Variants in MTMR9 observed in about 807,000 individuals in gnomAD.
The protein encoded by MTMR9 is myotubularin related protein 9, also known as myotubularin-related protein 9.
In MTMR9, 39 loss-of-function variants were observed where a neutral mutation model predicts 69.5. The observed-to-expected ratio is 0.56, with a 90% CI of 0.43 to 0.73. MTMR9 has a LOEUF of 0.73. Ranked by LOEUF, MTMR9 falls within the 30% of genes least tolerant of loss-of-function variation. The pLI is 0.00. For missense variants in MTMR9, 900 were observed against 671.2 expected (o/e 1.34, Z -3.77); for synonymous variants, 354 against 240.8 (o/e 1.47, Z -4.35).
At chr8:11,296,139 T>C (rs962358253) in intron 2 of MTMR9, among the ~76,000 whole-genome samples, 1 of 152,202 alleles carries the variant, frequency 6.6e-6, no homozygotes, top group African/African-American at 2.4e-5. Context: ...TAGTACATTA[T>C]TGAACGATAG....
chr8:11,319,427 A>T (rs887825560), intron 8 of MTMR9: 1 of 449,550 alleles, frequency 2.2e-6, no homozygotes, highest in Non-Finnish European at 4.0e-6. Flanking sequence ...ACCAAACCTG[A>T]TGTGACCAGA....
chr8:11,337,485 G>A, the MTMR9 span, among the ~76,000 whole-genome samples: 4 of 152,254 alleles, frequency 2.6e-5, no homozygotes, highest in African/African-American at 4.8e-5. Context: ...CCTTGCATTT[G>A]TCTTCCTCAG....
intron 3 of MTMR9, among the ~76,000 whole-genome samples, chr8:11,302,028 A>G (rs1484630554): frequency 6.6e-6 from 1 of 152,090 alleles, no homozygotes; most frequent in Non-Finnish European, 1.5e-5. Context: ...AGGCTGAGGC[A>G]GGCAGGTCAC....
chr8:11,316,572 T>TA, intron 7 of MTMR9, 101 bp from the exon 8 acceptor site: 2 of 650,812 alleles, frequency 3.1e-6, no homozygotes, highest in Non-Finnish European at 5.1e-6. Context: ...ATGTTCCAGG[T>TA]ACTAGGAGTG....
chr8:11,330,231 G>C (rs1434148773), downstream of MTMR9, among the ~76,000 whole-genome samples: 2 of 150,548 alleles, frequency 1.3e-5, no homozygotes, highest in South Asian at 4.2e-4. Context: ...CAGCCGCCCC[G>C]TCCGGGAGGG....
the MTMR9 span, among the ~76,000 whole-genome samples, chr8:11,335,265 ATCTG>A: frequency 6.6e-6 from 1 of 152,216 alleles, no homozygotes; most frequent in Admixed American, 6.5e-5. Flanking sequence ...TTGCTTTCCT[ATCTG>A]TCAGCAATGA....
At chr8:11,309,862 A>C (rs1800123438) in intron 6 of MTMR9, among the ~76,000 whole-genome samples, 174 bp downstream of exon 6, 1 of 152,158 alleles carries the variant, frequency 6.6e-6, no homozygotes, top group Non-Finnish European at 1.5e-5. Flanking sequence ...CATTTAATAG[A>C]TAATGTTTGT....
chr8:11,297,080 T>G (rs182809210), intron 2 of MTMR9, among the ~76,000 whole-genome samples: 439 of 152,322 alleles, frequency 2.9e-3, no homozygotes, highest in African/African-American at 0.01. Context: ...TTTATAGTAC[T>G]TTCTAGACTA....
At chr8:11,303,964 A>G (rs1383383386) in intron 3 of MTMR9, among the ~76,000 whole-genome samples, 2 of 152,242 alleles carry the variant, frequency 1.3e-5, no homozygotes, top group African/African-American at 2.4e-5. Flanking sequence ...TACGTCTAAC[A>G]TACTTTTTAG....
downstream of MTMR9, chr8:11,328,188 G>T (rs1801034635): frequency 6.6e-6 from 1 of 151,876 alleles, no homozygotes; most frequent in Admixed American, 6.6e-5. Context: ...TATTGGTGAA[G>T]GTTTGGATGG....
chr8:11,285,004 C>T lies in MTMR9; in HGVS notation c.116C>T (p.Ser39Phe), dbSNP rs1799092169. The T allele has an allele frequency of 6.2e-7, 1 of 1,613,674 alleles. No homozygotes were observed. The highest frequency in any genetic ancestry group is 8.5e-7 in the Non-Finnish European group (1 of 1,179,862). The stretch of plus-strand genomic sequence containing the variant: ...CTGACGGGCCACCACTTGATCCTGT[C>T]CTCCCGGCAGGACAATACGGAGGAG... ...LCLTGHHLIL[S>F]SRQDNTEELW... Residue 39 changes from serine (S) to phenylalanine (F), a missense_variant, in exon 1 of 10, where the codon TCC becomes TTC. Ser to Phe is a radical substitution (Grantham distance 155, BLOSUM62 -2). Transcript: ENST00000221086.
chr8:11,285,284 G>C, intron 1 of MTMR9: 2 of 519,948 alleles, frequency 3.8e-6, no homozygotes, highest in Non-Finnish European at 6.8e-6. Flanking sequence ...CAGGGTTATC[G>C]TGTGGCTGGT....
chr8:11,325,173 C>T lies in MTMR9; in HGVS notation c.*2385C>T, dbSNP rs1800874326. 1 of 152,172 alleles carries T rather than the reference C, an allele frequency of 6.6e-6. No individual in the cohort carries two copies. Among genetic ancestry groups the T allele is most frequent in the Non-Finnish European group, 1.5e-5 (1 of 68,032 alleles). 9.4% of individuals were successfully genotyped at this position (152,172 alleles called of 1,614,324 possible). On this transcript the variant is annotated 3_prime_UTR_variant, in exon 10 of 10. Transcript: ENST00000221086. Reference sequence around the variant, plus strand: ...TCTGTTTACAGGTTGTAAAAATAAACTTCGGTATCAGTGCATCTACAGAAG... The same window carrying T: ...TCTGTTTACAGGTTGTAAAAATAAATTTCGGTATCAGTGCATCTACAGAAG...
At chr8:11,318,238 T>C (rs905805244) in intron 8 of MTMR9, 6 of 152,296 alleles carry the variant, frequency 3.9e-5, no homozygotes, top group African/African-American at 1.4e-4. Flanking sequence ...TGGGAAGGAT[T>C]CTGAAGTGGT....
At chr8:11,286,865 T>C (rs1478865711) in intron 1 of MTMR9, among the ~76,000 whole-genome samples, 1 of 152,190 alleles carries the variant, frequency 6.6e-6, no homozygotes, top group Non-Finnish European at 1.5e-5. Flanking sequence ...TTACTGGTGC[T>C]GGTATATGTC....
downstream of MTMR9, among the ~76,000 whole-genome samples, chr8:11,330,034 G>A (rs1002691727): frequency 2.7e-5 from 4 of 148,804 alleles, no homozygotes; most frequent in African/African-American, 7.5e-5. Context: ...GGAGCACCCC[G>A]CCCGGCAGCC....
chr8:11,332,679 G>A (rs973804432), downstream of MTMR9, among the ~76,000 whole-genome samples: 13 of 151,906 alleles, frequency 8.6e-5, no homozygotes, highest in African/African-American at 3.1e-4. Context: ...TCAGCTCACT[G>A]TAACATCCGC....
intron 1 of MTMR9, among the ~76,000 whole-genome samples, chr8:11,290,731 G>A (rs1333606346): frequency 1.3e-5 from 2 of 151,984 alleles, no homozygotes; most frequent in Non-Finnish European, 1.5e-5. Flanking sequence ...CTATATATAC[G>A]GGTCTGTTTC....
At chr8:11,294,891 A>G (rs1290626741) in intron 1 of MTMR9, 1 of 185,668 alleles carries the variant, frequency 5.4e-6, no homozygotes, top group East Asian at 1.5e-4. Flanking sequence ...CTCTACAAAC[A>G]CTTAACACAT....
Sources: gnomAD v4.1 joint callset for allele counts (sites outside exome capture counted in the v4.1 genomes callset) on GRCh38, gnomAD v4.1.1 for gene constraint, MANE v1.5 for transcripts, NCBI Gene and HGNC (gene_info 2026-07-23, HGNC 2026-07-21) for gene names.